The following CFAP43 variants were observed in gnomAD, a reference collection of about 807,000 sequenced individuals.
CFAP43 encodes cilia- and flagella-associated protein 43.
CFAP43 carries 155 observed loss-of-function variants against 218.9 expected under a neutral mutation model. The ratio of observed to expected loss-of-function variants is 0.71; its 90% CI spans 0.62 to 0.81. The LOEUF (loss-of-function observed/expected upper bound fraction) is 0.81. CFAP43 is among the 30% of genes least tolerant of loss of function. The pLI is 0.00. For missense variants in CFAP43, 1,778 were observed against 1,954.3 expected, an observed-to-expected ratio of 0.91 and a Z score of 1.70; for synonymous variants, 645 against 681.3, an observed-to-expected ratio of 0.95 and a Z score of 0.83.
chr10:104,189,971 TC>T (rs1299021913), intron 12 of CFAP43, among the ~76,000 whole-genome samples: 1 of 151,804 alleles, frequency 6.6e-6, no homozygotes, highest in East Asian at 1.9e-4. Flanking sequence ...ATCGAGACCA[TC>T]CTGGCTAACA....
intron 34 of CFAP43, among the ~76,000 whole-genome samples, chr10:104,134,567 C>T (rs1020596687): frequency 7.9e-5 from 12 of 151,894 alleles, no homozygotes; most frequent in South Asian, 2.1e-4. Context: ...ACCAATATTA[C>T]AGAAATTAAA....
rs149715495 is a variant in CFAP43 at position 104,130,403 on chromosome 10, CA to C, written c.4832-99del. 7,530 of 1,385,190 alleles carry C rather than the reference CA, an allele frequency of 5.4e-3. 313 individuals carry two copies. In the African/African-American group the frequency reaches 0.092, roughly 17 times the overall value. The allele number at this position is 1,385,190 out of a possible 1,614,324, so 85.8% of individuals were successfully genotyped here. ...ATACATGTGGAAGAAATGCTGGTAGCAAAAAGGCATATGCACTTGTATGTTT... is the reference window on the plus strand; with the variant it reads ...ATACATGTGGAAGAAATGCTGGTAGCAAAAGGCATATGCACTTGTATGTTT... On this transcript the variant is annotated intron_variant, in intron 37 of 37. Coordinates refer to ENST00000357060, the MANE Select transcript of CFAP43 (RefSeq NM_025145.7).
intron 2 of CFAP43, among the ~76,000 whole-genome samples, chr10:104,226,641 CTG>C (rs2091311108): frequency 6.6e-6 from 1 of 151,958 alleles, no homozygotes; most frequent in African/African-American, 2.4e-5. Context: ...GTCTTTTCTT[CTG>C]TGTTTACTTG....
chr10:104,192,336 A>C lies in CFAP43; in HGVS notation c.1443-34T>G, dbSNP rs573286166. 3 of 1,508,740 alleles carry C rather than the reference A, an allele frequency of 2.0e-6. No individual in the cohort carries two copies. In the South Asian group the frequency reaches 3.4e-5, roughly 17 times the overall value. The allele number at this position is 1,508,740 out of a possible 1,614,324, so 93.5% of individuals were successfully genotyped here. On this transcript the variant is annotated intron_variant, in intron 11 of 37. Coordinates refer to ENST00000357060, the MANE Select transcript of CFAP43 (RefSeq NM_025145.7). Reference sequence around the variant, plus strand: ...GAAGAAATCTGATGATCAAATCCCAATTGTTTCACCAGCTAGATGGTGAAC... The same window carrying C: ...GAAGAAATCTGATGATCAAATCCCACTTGTTTCACCAGCTAGATGGTGAAC...
chr10:104,152,488 C>A, intron 28 of CFAP43, 119 bp downstream of exon 28: 1 of 1,398,906 alleles, frequency 7.1e-7, no homozygotes, highest in South Asian at 1.3e-5. Context: ...TGGAGAGGGA[C>A]GCAGGGCCCA....
intron 10 of CFAP43, among the ~76,000 whole-genome samples, chr10:104,195,360 T>G (rs760571871): frequency 2.6e-5 from 4 of 152,208 alleles, no homozygotes; most frequent in Admixed American, 1.3e-4. Context: ...GTCTCTAATG[T>G]GTGAAAGGAC....
At chr10:104,161,186 T>A in intron 26 of CFAP43, 24 bp from the exon 27 acceptor site, 3 of 1,609,078 alleles carry the variant, frequency 1.9e-6, no homozygotes, top group Middle Eastern at 3.3e-4. Context: ...GAAAAGCATA[T>A]ATTTCAGCTC....
intron 14 of CFAP43, among the ~76,000 whole-genome samples, chr10:104,186,871 G>A (rs777584677): frequency 6.6e-6 from 1 of 152,164 alleles, no homozygotes; most frequent in Non-Finnish European, 1.5e-5. Context: ...TGTGCAGCAG[G>A]AGGTGACACA....
intron 8 of CFAP43, among the ~76,000 whole-genome samples, chr10:104,201,240 T>G (rs1440808099): frequency 2.0e-5 from 3 of 152,224 alleles, no homozygotes; most frequent in Non-Finnish European, 4.4e-5. Flanking sequence ...TAATGATTTT[T>G]ACCTTAAAGC....
intron 24 of CFAP43, among the ~76,000 whole-genome samples, chr10:104,163,267 C>T (rs181555042): frequency 7.1e-4 from 108 of 152,274 alleles, no homozygotes; most frequent in Middle Eastern, 3.4e-3. Flanking sequence ...TCAGTACCTA[C>T]CTTATGATGA....
At chr10:104,164,046 G>A (rs531990466) in intron 24 of CFAP43, 48 bp downstream of exon 24, 1 of 1,591,854 alleles carries the variant, frequency 6.3e-7, no homozygotes, top group East Asian at 2.2e-5. Flanking sequence ...AGGAGCTGGG[G>A]AAAGTCTCCT....
At chr10:104,191,198 C>T (rs1000538070) in intron 12 of CFAP43, among the ~76,000 whole-genome samples, 1 of 152,188 alleles carries the variant, frequency 6.6e-6, no homozygotes, top group African/African-American at 2.4e-5. Context: ...CATGCCAGCT[C>T]CATCTTGAAA....
intron 34 of CFAP43, among the ~76,000 whole-genome samples, chr10:104,134,275 G>C (rs1461704320): frequency 4.6e-5 from 7 of 152,124 alleles, no homozygotes; most frequent in Non-Finnish European, 4.4e-5. Context: ...GTGCACGCCT[G>C]TGGTCCCAGC....
At chr10:104,219,333 C>T (rs958860495) in intron 3 of CFAP43, among the ~76,000 whole-genome samples, 4 of 152,172 alleles carry the variant, frequency 2.6e-5, no homozygotes, top group African/African-American at 7.2e-5. Context: ...CCTACTCCCA[C>T]CCTAGTCCAT....
chr10:104,152,204 C>T (rs916093871), intron 28 of CFAP43, among the ~76,000 whole-genome samples: 6 of 151,992 alleles, frequency 3.9e-5, no homozygotes, highest in African/African-American at 1.2e-4. Context: ...GTCTTGAAAG[C>T]ATTGAAAATA....
intron 27 of CFAP43, among the ~76,000 whole-genome samples, chr10:104,159,724 G>A (rs80230897): frequency 0.13 from 20,455 of 152,134 alleles, 1,473 homozygotes; most frequent in Middle Eastern, 0.19. Flanking sequence ...AGTTGAGGGC[G>A]TCAGGTGTTG....
Position 104,164,137 on chromosome 10 carries a change from T to A in CFAP43, c.3203A>T (p.Asp1068Val). Reference sequence around the variant, plus strand: ...AAGCGTTCTCTCTGGCTTCTCACAGTCTTCAAATTCTGGTTGCCAGACTGC... The same window carrying A: ...AAGCGTTCTCTCTGGCTTCTCACAGACTTCAAATTCTGGTTGCCAGACTGC... Reference protein sequence around the residue: ...EEAVWQPEFEDCEKPERTLVV... With the variant: ...EEAVWQPEFEVCEKPERTLVV... The change falls in exon 24 of 38, where the codon GAC (aspartate) becomes GTC (valine). Residue 1068 changes from aspartate (D) to valine (V), a missense_variant. Asp to Val is a radical substitution (Grantham distance 152, BLOSUM62 -3). Coordinates refer to ENST00000357060, the MANE Select transcript of CFAP43 (RefSeq NM_025145.7). 6.2e-7 allele frequency: 1 copy of A among 1,614,196 alleles called. No homozygotes were observed. Among genetic ancestry groups the A allele is most frequent in the Non-Finnish European group, 8.5e-7 (1 of 1,180,030 alleles).
chr10:104,158,316 A>G (rs1003209075), intron 27 of CFAP43, among the ~76,000 whole-genome samples: 1 of 152,206 alleles, frequency 6.6e-6, no homozygotes, highest in Non-Finnish European at 1.5e-5. Context: ...CTTCTATAAC[A>G]AAGAAATCTG....
chr10:104,205,141 A>T (rs565549951), intron 7 of CFAP43, among the ~76,000 whole-genome samples: 2 of 133,982 alleles, frequency 1.5e-5, no homozygotes, highest in Non-Finnish European at 3.1e-5. Context: ...TGAACCCAGG[A>T]GTTGGAGCTT....
Sources: allele counts gnomAD v4.1 joint callset (sites outside exome capture counted in the v4.1 genomes callset), GRCh38; gene constraint gnomAD v4.1.1; transcripts MANE v1.5; gene names NCBI Gene and HGNC (gene_info 2026-07-23, HGNC 2026-07-21).